Variants in ACTR3C observed in about 807,000 individuals in gnomAD.
ACTR3C encodes actin-related protein 3C.
ACTR3C carries 18 observed loss-of-function variants against 26.3 expected under a neutral mutation model. The ratio of observed to expected loss-of-function variants is 0.68; its 90% CI spans 0.47 to 1.01. The LOEUF (loss-of-function observed/expected upper bound fraction) is 1.01, where lower values mean the gene tolerates loss of function less well. Among genes scored for constraint, ACTR3C ranks in the 50% least tolerant of loss-of-function variants. The pLI is 0.00. For synonymous variants in ACTR3C, 55 were observed against 94.5 expected, an observed-to-expected ratio of 0.58 and a Z score of 2.42; for missense variants, 184 against 250.7, an observed-to-expected ratio of 0.73 and a Z score of 1.80.
chr7:150,319,818 C>T (rs1797312677), intron 1 of ACTR3C, among the ~76,000 whole-genome samples: 1 of 152,190 alleles, frequency 6.6e-6, no homozygotes, highest in African/African-American at 2.4e-5. Context: ...GCAAACAGGG[C>T]AAACAGGGAT....
the ACTR3C span, among the ~76,000 whole-genome samples, chr7:150,042,465 A>G: frequency 1.7e-4 from 22 of 132,646 alleles, no homozygotes; most frequent in South Asian, 2.6e-4. Context: ...GAGCCAGGGG[A>G]GGAAAGGGGG....
chr7:150,042,366 G>C, the ACTR3C span, among the ~76,000 whole-genome samples: 3 of 132,484 alleles, frequency 2.3e-5, no homozygotes, highest in African/African-American at 9.1e-5. Flanking sequence ...CCCAGCGATG[G>C]GGGTCCTAAG....
chr7:150,019,841 C>T, the ACTR3C span, among the ~76,000 whole-genome samples: 2 of 151,874 alleles, frequency 1.3e-5, no homozygotes, highest in African/African-American at 2.4e-5. Context: ...TCAACAGACT[C>T]ATTGGAATAA....
chr7:149,950,318 G>A, the ACTR3C span, among the ~76,000 whole-genome samples: 4 of 145,010 alleles, frequency 2.8e-5, 1 homozygote, highest in African/African-American at 1.1e-4. Flanking sequence ...GCACCTGCTG[G>A]AGAAGGGGCA....
At chr7:150,106,959 T>C in the ACTR3C span, among the ~76,000 whole-genome samples, 1 of 145,426 alleles carries the variant, frequency 6.9e-6, no homozygotes, top group East Asian at 2.0e-4. Context: ...CAAGCAAGGG[T>C]AGAGGAATGA....
intron 1 of ACTR3C, among the ~76,000 whole-genome samples, chr7:150,308,141 C>T (rs988675522): frequency 1.3e-5 from 2 of 152,148 alleles, no homozygotes; most frequent in African/African-American, 4.8e-5. Flanking sequence ...TGATCCTCCA[C>T]CTTGGTGGCA....
chr7:149,920,828 A>C, the ACTR3C span, among the ~76,000 whole-genome samples: 80 of 151,582 alleles, frequency 5.3e-4, 1 homozygote, highest in Non-Finnish European at 9.0e-4. Flanking sequence ...GTGCAATGTC[A>C]TGATCTTGGC....
the ACTR3C span, among the ~76,000 whole-genome samples, chr7:150,150,079 A>AC: frequency 6.6e-6 from 1 of 150,740 alleles, no homozygotes; most frequent in East Asian, 1.9e-4. Flanking sequence ...TGCTATATAC[A>AC]CCCCTAAATT....
chr7:150,176,538 T>G, the ACTR3C span, among the ~76,000 whole-genome samples: 1 of 151,044 alleles, frequency 6.6e-6, no homozygotes, highest in Non-Finnish European at 1.5e-5. Flanking sequence ...AATATTCTTT[T>G]GTTCACATAC....
chr7:150,024,159 G>C, the ACTR3C span, among the ~76,000 whole-genome samples: 2 of 151,418 alleles, frequency 1.3e-5, no homozygotes, highest in African/African-American at 4.9e-5. Context: ...GGGCACGAAG[G>C]AACGTGCTCG....
chr7:150,265,657 A>G (rs1329847113), intron 6 of ACTR3C, among the ~76,000 whole-genome samples: 2 of 152,218 alleles, frequency 1.3e-5, no homozygotes, highest in Non-Finnish European at 2.9e-5. Flanking sequence ...TGGCACCATT[A>G]CACTCCACCC....
the ACTR3C span, among the ~76,000 whole-genome samples, chr7:150,167,560 C>A: frequency 6.6e-6 from 1 of 150,764 alleles, no homozygotes; most frequent in Non-Finnish European, 1.5e-5. Context: ...GAGGAAGTGG[C>A]AAATTTCAAA....
At chr7:150,039,888 C>T in the ACTR3C span, among the ~76,000 whole-genome samples, 2 of 127,308 alleles carry the variant, frequency 1.6e-5, no homozygotes, top group African/African-American at 2.8e-5. Flanking sequence ...TCTCAGTCCC[C>T]GTGTCGTGAG....
the ACTR3C span, among the ~76,000 whole-genome samples, chr7:150,112,682 C>T: frequency 6.6e-6 from 1 of 152,224 alleles, no homozygotes; most frequent in Non-Finnish European, 1.5e-5. Context: ...GACAGCCACC[C>T]ATCTAAGATT....
At chr7:150,065,556 T>C in the ACTR3C span, among the ~76,000 whole-genome samples, 2 of 152,200 alleles carry the variant, frequency 1.3e-5, no homozygotes, top group African/African-American at 4.8e-5. Flanking sequence ...TTAAAGGCTT[T>C]ACCCTCAGAA....
At chr7:150,031,619 C>G in the ACTR3C span, among the ~76,000 whole-genome samples, 9 of 152,120 alleles carry the variant, frequency 5.9e-5, no homozygotes, top group Non-Finnish European at 1.0e-4. Flanking sequence ...CCAAGGAGCT[C>G]TAGGGGCTGA....
At chr7:149,985,580 C>T in the ACTR3C span, among the ~76,000 whole-genome samples, 1 of 152,234 alleles carries the variant, frequency 6.6e-6, no homozygotes, top group African/African-American at 2.4e-5. Context: ...GAGTGGGCAC[C>T]ACCCAATCCA....
At chr7:150,051,451 T>A in the ACTR3C span, among the ~76,000 whole-genome samples, 1 of 149,962 alleles carries the variant, frequency 6.7e-6, no homozygotes, top group African/African-American at 2.4e-5. Flanking sequence ...AATGGGCATT[T>A]CAAAATAGGT....
At chr7:149,975,642 T>G in the ACTR3C span, among the ~76,000 whole-genome samples, 2 of 152,160 alleles carry the variant, frequency 1.3e-5, no homozygotes, top group African/African-American at 4.8e-5. Context: ...AAGAAATACC[T>G]GATACTGGTT....
Sources: allele counts gnomAD v4.1 joint callset (sites outside exome capture counted in the v4.1 genomes callset), GRCh38; gene constraint gnomAD v4.1.1; transcripts MANE v1.5; gene names NCBI Gene and HGNC (gene_info 2026-07-23, HGNC 2026-07-21).